Variants in CDK13 observed in about 807,000 individuals in gnomAD.
The protein encoded by CDK13 is cyclin dependent kinase 13.
CDK13 carries 40 observed loss-of-function variants against 137.6 expected under a neutral mutation model. The ratio of observed to expected loss-of-function variants is 0.29; its 90% CI spans 0.23 to 0.38. The LOEUF (loss-of-function observed/expected upper bound fraction) is 0.38, where lower values mean the gene tolerates loss of function less well. Ranked by LOEUF, CDK13 falls within the 10% of genes least tolerant of loss-of-function variation. The pLI is 1.00. For missense variants in CDK13, 1,704 were observed against 1,951.8 expected (o/e 0.87, Z 2.39); for synonymous variants, 869 against 760.1 (o/e 1.14, Z -2.36).
At chr7:40,024,690 G>GTC (rs1292438121) in intron 5 of CDK13, among the ~76,000 whole-genome samples, 1 of 99,282 alleles carries the variant, frequency 1.0e-5, no homozygotes, top group Non-Finnish European at 1.8e-5. Flanking sequence ...CTGAGACAGA[G>GTC]TCTTGCTCTT....
In CDK13 at chr7:39,987,587, A is replaced by G. The variant is rs776708945; in HGVS notation, c.1212-12A>G. Reference sequence around the variant, plus strand: ...CTCAATTACTGATTAAATCTTAATTATTTCTCACCAGACGGTCTGGAAAAT... The same window carrying G: ...CTCAATTACTGATTAAATCTTAATTGTTTCTCACCAGACGGTCTGGAAAAT... On this transcript the variant is annotated splice_polypyrimidine_tract_variant and intron_variant, in intron 1 of 13. Coordinates refer to ENST00000181839, the MANE Select transcript of CDK13 (RefSeq NM_003718.5). 6.4e-7 allele frequency: 1 copy of G among 1,556,748 alleles called. No homozygotes were observed.
At chr7:40,056,720 T>C (rs1786027350) in intron 7 of CDK13, among the ~76,000 whole-genome samples, 1 of 152,204 alleles carries the variant, frequency 6.6e-6, no homozygotes, top group Admixed American at 6.5e-5. Flanking sequence ...AACCAAGGAA[T>C]GGGCACAGGT....
At position 40,001,947 on chromosome 7, in the gene CDK13, C is replaced by T. The variant is rs549473641; in HGVS notation, c.2269C>T (p.Arg757Trp). The T allele has an allele frequency of 1.2e-5, 19 of 1,608,752 alleles. No homozygotes were observed. The highest frequency in any genetic ancestry group is 1.7e-5 in the Admixed American group (1 of 59,936). The change falls in exon 5 of 14, where the codon CGG becomes TGG. Residue 757 changes from arginine (R) to tryptophan (W), a missense_variant. Coordinates refer to ENST00000181839, the MANE Select transcript of CDK13 (RefSeq NM_003718.5). ...ITAIREIKIL[R>W]QLTHQSIINM... ...AGCAATTCGAGAAATTAAAATTCTC[C>T]GGCAGCTTACCCATCAGAGTATTAT...
chr7:40,066,270 C>T (rs768411055), intron 9 of CDK13, among the ~76,000 whole-genome samples: 2 of 152,206 alleles, frequency 1.3e-5, no homozygotes, highest in Non-Finnish European at 2.9e-5. Flanking sequence ...GAAACCAGTA[C>T]TTGTAATGTT....
intron 1 of CDK13, among the ~76,000 whole-genome samples, chr7:39,956,823 A>G (rs1196465458): frequency 6.6e-6 from 1 of 152,112 alleles, no homozygotes; most frequent in Non-Finnish European, 1.5e-5. Context: ...CTGGCCTCAG[A>G]CAATCCTCCC....
intron 1 of CDK13, chr7:39,985,219 A>G (rs576724823): frequency 1.3e-5 from 2 of 151,998 alleles, no homozygotes; most frequent in African/African-American, 4.8e-5. Flanking sequence ...GAGAACATGC[A>G]AAGTTTGCCT....
chr7:40,087,546 GTTTT>G (rs35686770), intron 11 of CDK13, among the ~76,000 whole-genome samples: 1 of 112,046 alleles, frequency 8.9e-6, no homozygotes. Context: ...CAATAGTGGT[GTTTT>G]TTTTTTTTTT....
chr7:40,026,478 A>T (rs1028041032), intron 5 of CDK13, among the ~76,000 whole-genome samples: 3 of 152,238 alleles, frequency 2.0e-5, no homozygotes, highest in African/African-American at 7.2e-5. Context: ...GCAGCACTGC[A>T]CTCCAGCCTG....
intron 2 of CDK13, among the ~76,000 whole-genome samples, chr7:39,989,653 A>G (rs1784416688): frequency 6.6e-6 from 1 of 152,180 alleles, no homozygotes; most frequent in South Asian, 2.1e-4. Flanking sequence ...GTTCTCAGGG[A>G]ACGCTGAAGG....
rs547019765 is a variant in CDK13 at position 40,042,092 on chromosome 7, T to C, written c.2354-3744T>C. Among the ~76,000 whole-genome samples, 65 of 152,302 alleles carry C rather than the reference T, an allele frequency of 4.3e-4. 1 individual carries two copies. Among genetic ancestry groups the C allele is most frequent in the African/African-American group, 1.5e-3 (62 of 41,584 alleles). On this transcript the variant is annotated intron_variant, in intron 5 of 13. Transcript: ENST00000181839. ...TTGGTATTTTTTTGTATTGATTCTT[T>C]TTTTGTTGTTGTAGTTGTTTGAGAT...
intron 1 of CDK13, among the ~76,000 whole-genome samples, chr7:39,955,834 C>T (rs112994870): frequency 9.2e-5 from 14 of 151,924 alleles, no homozygotes; most frequent in African/African-American, 3.1e-4. Context: ...TCTGAAGTTA[C>T]TGATGTCAGA....
rs763530459 is a variant in CDK13 at position 39,951,526 on chromosome 7, A to G, written c.885A>G (p.Glu295=). ...SSKEPPSAYK[E]PPKAYREDKT... is the part of the protein sequence containing the mutation. ...AGGAGCCGCCTTCGGCCTACAAGGA[A>G]CCGCCCAAGGCCTACCGGGAGGACA... Residue 295 remains glutamate (E), a synonymous_variant, in exon 1 of 14, where the codon GAA becomes GAG. Coordinates refer to ENST00000181839, the MANE Select transcript of CDK13 (RefSeq NM_003718.5). 5.9e-5 allele frequency: 90 copies of G among 1,534,626 alleles called. No homozygotes were observed. Among genetic ancestry groups the G allele is most frequent in the Non-Finnish European group, 7.6e-5 (87 of 1,142,920 alleles).
chr7:39,979,294 G>A (rs1475067879), intron 1 of CDK13, among the ~76,000 whole-genome samples: 7 of 144,422 alleles, frequency 4.8e-5, no homozygotes, highest in African/African-American at 1.0e-4. Flanking sequence ...TCGGTTCACC[G>A]CAACCTCCGC....
intron 2 of CDK13, among the ~76,000 whole-genome samples, chr7:39,988,612 C>T (rs1189547525): frequency 4.6e-5 from 7 of 152,152 alleles, no homozygotes; most frequent in Non-Finnish European, 8.8e-5. Context: ...AGTTAATATA[C>T]ATCTCACAAG....
chr7:39,951,605 C>T lies in CDK13; in HGVS notation c.964C>T (p.Arg322Trp), dbSNP rs546363676. ...GCGGTCCCTCAGCCCACTGGGAGGCCGGGACGACAGCCCGGTGTCCCACAG... is the reference window on the plus strand; with the variant it reads ...GCGGTCCCTCAGCCCACTGGGAGGCTGGGACGACAGCCCGGTGTCCCACAG... Reference protein sequence around the residue: ...RRRSLSPLGGRDDSPVSHRAS... With the variant: ...RRRSLSPLGGWDDSPVSHRAS... The change falls in exon 1 of 14, where the codon CGG becomes TGG. Residue 322 changes from arginine to tryptophan, a missense_variant. Physicochemically the swap from Arg to Trp is moderately radical, Grantham distance 101. Transcript: ENST00000181839. The T allele has an allele frequency of 6.7e-7, 1 of 1,482,444 alleles. No individual in the cohort carries two copies. The highest frequency in any genetic ancestry group is 2.5e-5 in the Admixed American group (1 of 40,310). The allele number at this position is 1,482,444 out of a possible 1,614,324, so 91.8% of individuals were successfully genotyped here.
intron 5 of CDK13, among the ~76,000 whole-genome samples, chr7:40,005,629 A>G (rs146372772): frequency 5.0e-4 from 76 of 152,200 alleles, no homozygotes; most frequent in African/African-American, 1.7e-3. Context: ...TTAAAAAAGG[A>G]ATTATTCTTA....
At chr7:40,012,326 T>C (rs1784912789) in intron 5 of CDK13, among the ~76,000 whole-genome samples, 1 of 152,204 alleles carries the variant, frequency 6.6e-6, no homozygotes, top group Non-Finnish European at 1.5e-5. Context: ...TTAGGTGTGG[T>C]GGCTCATAGC....
At chr7:39,962,587 G>A (rs1346488745) in intron 1 of CDK13, among the ~76,000 whole-genome samples, 1 of 152,142 alleles carries the variant, frequency 6.6e-6, no homozygotes, top group African/African-American at 2.4e-5. Flanking sequence ...TAGGTTGCCT[G>A]TTCACTCTGA....
At chr7:40,031,766 C>G (rs1277288764) in intron 5 of CDK13, among the ~76,000 whole-genome samples, 1 of 151,388 alleles carries the variant, frequency 6.6e-6, no homozygotes, top group Admixed American at 6.6e-5. Flanking sequence ...CCGCCTCAGC[C>G]TCCTGAGTAG....
Sources: allele counts gnomAD v4.1 joint callset (sites outside exome capture counted in the v4.1 genomes callset), GRCh38; gene constraint gnomAD v4.1.1; transcripts MANE v1.5; gene names NCBI Gene and HGNC (gene_info 2026-07-23, HGNC 2026-07-21).